CNTNAP2: variants seen among roughly 807,000 people sequenced by gnomAD.
CNTNAP2 encodes contactin-associated protein-like 2.
Under a neutral mutation model 155.2 loss-of-function variants are expected in CNTNAP2, and 98 were observed. The observed-to-expected ratio is 0.63, with a 90% CI of 0.54 to 0.75. The LOEUF is 0.75. CNTNAP2 is among the 30% of genes least tolerant of loss of function. CNTNAP2 has a pLI of 0.00. For synonymous variants in CNTNAP2, 651 were observed against 631.2 expected, an observed-to-expected ratio of 1.03 and a Z score of -0.47; for missense variants, 1,727 against 1,688.1, an observed-to-expected ratio of 1.02 and a Z score of -0.40.
chr7:147,687,953 AT>A (rs1219032021), intron 13 of CNTNAP2, among the ~76,000 whole-genome samples: 1 of 152,082 alleles, frequency 6.6e-6, no homozygotes. Context: ...TGCTATTCCC[AT>A]TTTGCAAGGA....
At chr7:148,035,787 G>A (rs2116469826) in intron 15 of CNTNAP2, among the ~76,000 whole-genome samples, 1 of 152,314 alleles carries the variant, frequency 6.6e-6, no homozygotes, top group Non-Finnish European at 1.5e-5. Flanking sequence ...TGGGAGAGAT[G>A]CAGGTATGAA....
intron 21 of CNTNAP2, among the ~76,000 whole-genome samples, chr7:148,334,081 A>C (rs1194504182): frequency 6.6e-6 from 1 of 152,210 alleles, no homozygotes; most frequent in Non-Finnish European, 1.5e-5. Flanking sequence ...CCACAACAGC[A>C]GTTCTAGTGA....
chr7:146,174,829 C>G (rs1240807961), intron 1 of CNTNAP2, among the ~76,000 whole-genome samples: 2 of 151,978 alleles, frequency 1.3e-5, no homozygotes, highest in African/African-American at 2.4e-5. Context: ...GGCGGCAGAG[C>G]GAGACTCATC....
At chr7:147,501,528 G>T (rs1276037352) in intron 11 of CNTNAP2, among the ~76,000 whole-genome samples, 2 of 152,154 alleles carry the variant, frequency 1.3e-5, no homozygotes, top group East Asian at 3.9e-4. Context: ...TTTTATAGTG[G>T]TGTGAAGCCA....
chr7:146,787,698 T>C (rs987122011), intron 2 of CNTNAP2, among the ~76,000 whole-genome samples: 9 of 152,206 alleles, frequency 5.9e-5, no homozygotes, highest in African/African-American at 2.2e-4. Flanking sequence ...TGGGGTGGCC[T>C]GCTTTTCTTC....
intron 8 of CNTNAP2, among the ~76,000 whole-genome samples, chr7:147,157,495 C>G (rs1801949202): frequency 6.6e-6 from 1 of 152,076 alleles, no homozygotes; most frequent in Admixed American, 6.6e-5. Flanking sequence ...TTTCATCCAC[C>G]AGGGTTGAGG....
chr7:147,697,527 T>C (rs1796179589), intron 13 of CNTNAP2, among the ~76,000 whole-genome samples: 1 of 152,148 alleles, frequency 6.6e-6, no homozygotes, highest in Non-Finnish European at 1.5e-5. Flanking sequence ...AGTCTCCAAC[T>C]ATGGTTTTTG....
intron 13 of CNTNAP2, among the ~76,000 whole-genome samples, chr7:147,800,101 C>T (rs924118920): frequency 1.3e-5 from 2 of 152,128 alleles, no homozygotes; most frequent in Non-Finnish European, 2.9e-5. Flanking sequence ...GGCAATAGTG[C>T]CATTGCTTGT....
intron 13 of CNTNAP2, among the ~76,000 whole-genome samples, chr7:147,798,184 G>A (rs1261323428): frequency 6.6e-6 from 1 of 152,150 alleles, no homozygotes; most frequent in African/African-American, 2.4e-5. Flanking sequence ...TTGCAAGATT[G>A]ATGGTGTAAC....
intron 9 of CNTNAP2, among the ~76,000 whole-genome samples, chr7:147,319,649 A>G (rs1379533653): frequency 6.6e-6 from 1 of 152,208 alleles, no homozygotes; most frequent in Admixed American, 6.5e-5. Flanking sequence ...AATTGCTGGG[A>G]TTACAGGCAT....
intron 13 of CNTNAP2, among the ~76,000 whole-genome samples, chr7:147,840,680 G>C (rs1225419388): frequency 2.6e-5 from 4 of 152,158 alleles, no homozygotes; most frequent in Non-Finnish European, 4.4e-5. Flanking sequence ...AGGATCGAAT[G>C]GAGATCAGAA....
intron 21 of CNTNAP2, among the ~76,000 whole-genome samples, chr7:148,332,927 A>G (rs1225447821): frequency 2.0e-5 from 3 of 152,220 alleles, no homozygotes; most frequent in Non-Finnish European, 2.9e-5. Context: ...ACCTCCTATG[A>G]GCAACTTTGT....
intron 8 of CNTNAP2, among the ~76,000 whole-genome samples, chr7:147,274,398 A>G (rs1359507485): frequency 6.6e-6 from 1 of 152,054 alleles, no homozygotes; most frequent in East Asian, 1.9e-4. Context: ...TTGAGGCTTC[A>G]ATTTGCATTT....
At chr7:146,426,172 T>G (rs1487239322) in intron 1 of CNTNAP2, among the ~76,000 whole-genome samples, 56 of 105,840 alleles carry the variant, frequency 5.3e-4, no homozygotes, top group Non-Finnish European at 8.7e-4. Context: ...GGCTACAGAG[T>G]GAGACTTCGC....
chr7:146,705,418 C>A (rs1800945688), intron 1 of CNTNAP2, among the ~76,000 whole-genome samples: 1 of 152,000 alleles, frequency 6.6e-6, no homozygotes, highest in African/African-American at 2.4e-5. Context: ...GAGGGCAAGA[C>A]AGCTCTCTGG....
intron 14 of CNTNAP2, among the ~76,000 whole-genome samples, chr7:147,926,075 C>T (rs1357542492): frequency 1.3e-5 from 2 of 152,178 alleles, no homozygotes; most frequent in South Asian, 2.1e-4. Context: ...TAATTACGCT[C>T]TACTTGGAGT....
At chr7:146,899,932 G>A (rs1370229285) in intron 3 of CNTNAP2, among the ~76,000 whole-genome samples, 1 of 152,178 alleles carries the variant, frequency 6.6e-6, no homozygotes, top group Non-Finnish European at 1.5e-5. Flanking sequence ...AAAGATAGAT[G>A]TCCCTATAAG....
chr7:147,220,870 T>C (rs992103481), intron 8 of CNTNAP2, among the ~76,000 whole-genome samples: 2 of 152,022 alleles, frequency 1.3e-5, no homozygotes, highest in African/African-American at 4.8e-5. Context: ...TTCATCACCA[T>C]GTCTGACTAA....
At chr7:146,694,671 A>T (rs917897078) in intron 1 of CNTNAP2, among the ~76,000 whole-genome samples, 6 of 152,154 alleles carry the variant, frequency 3.9e-5, no homozygotes, top group African/African-American at 1.4e-4. Flanking sequence ...CATTCAGTCT[A>T]TAGATTAATT....
Sources: allele counts gnomAD v4.1 joint callset (sites outside exome capture counted in the v4.1 genomes callset), GRCh38; gene constraint gnomAD v4.1.1; transcripts MANE v1.5; gene names NCBI Gene and HGNC (gene_info 2026-07-23, HGNC 2026-07-21).